Variants in ADAMTSL1 observed in about 807,000 individuals in gnomAD.
ADAMTSL1 encodes ADAMTS like 1.
ADAMTSL1 carries 126 observed loss-of-function variants against 201.8 expected under a neutral mutation model. The ratio of observed to expected loss-of-function variants is 0.62; its 90% CI spans 0.54 to 0.72. The LOEUF (loss-of-function observed/expected upper bound fraction) is 0.72, where lower values mean the gene tolerates loss of function less well. Among genes scored for constraint, ADAMTSL1 ranks in the 30% least tolerant of loss-of-function variants. The probability of loss-of-function intolerance (pLI) is 0.00; values close to 1 mark genes in which losing one functional copy is unlikely to be tolerated. For missense variants in ADAMTSL1, 2,679 were observed against 2,277.8 expected (o/e 1.18, Z -3.59); for synonymous variants, 1,121 against 903.4 (o/e 1.24, Z -4.32).
intron 2 of ADAMTSL1, among the ~76,000 whole-genome samples, chr9:18,442,764 G>A (rs10125046): frequency 2.0e-5 from 3 of 152,184 alleles, no homozygotes; most frequent in Non-Finnish European, 2.9e-5. Context: ...GCTCCTGACA[G>A]CTGGCTTTGC....
chr9:18,017,055 G>T (rs1159046704), intron 1 of ADAMTSL1, among the ~76,000 whole-genome samples: 8 of 151,954 alleles, frequency 5.3e-5, no homozygotes, highest in Admixed American at 5.3e-4. Flanking sequence ...CACAGGCATG[G>T]ACTCAAACTT....
At chr9:18,638,715 T>A (rs528336894) in intron 6 of ADAMTSL1, among the ~76,000 whole-genome samples, 1 of 152,280 alleles carries the variant, frequency 6.6e-6, no homozygotes, top group South Asian at 2.1e-4. Flanking sequence ...ATGATAGTTC[T>A]TGTTCTTACA....
intron 23 of ADAMTSL1, among the ~76,000 whole-genome samples, chr9:18,876,486 A>T (rs1828167467): frequency 6.6e-6 from 1 of 152,080 alleles, no homozygotes. Context: ...TTTTCTGAAA[A>T]AGACTATCTT....
rs184884838 is a variant in ADAMTSL1 at position 18,859,711 on chromosome 9, C to T, written c.4250-28120C>T. ...CATGTAACCTAGGGAAATATTTGGT[C>T]ACAGAGATGTATGTACTAGGAAATT... On this transcript the variant is annotated intron_variant, in intron 23 of 28. Coordinates refer to ENST00000380548, the MANE Select transcript of ADAMTSL1 (RefSeq NM_001040272.6). Among the ~76,000 whole-genome samples the T allele has an allele frequency of 3.9e-4, 59 of 152,216 alleles. No homozygotes were observed. The East Asian group carries it at 7.3e-3, about 19-fold the overall frequency.
chr9:17,965,886 C>G (rs1006191931), intron 1 of ADAMTSL1, among the ~76,000 whole-genome samples: 1 of 152,164 alleles, frequency 6.6e-6, no homozygotes, highest in Non-Finnish European at 1.5e-5. Flanking sequence ...TAAAGCCAGG[C>G]AGCTTTTTTG....
intron 23 of ADAMTSL1, among the ~76,000 whole-genome samples, chr9:18,856,399 T>C (rs553700165): frequency 1.6e-3 from 236 of 152,188 alleles, no homozygotes; most frequent in African/African-American, 5.4e-3. Flanking sequence ...GAACTTTTAG[T>C]TTTTTAGTCT....
rs928959453 is a variant in ADAMTSL1 at position 18,275,203 on chromosome 9, A to G, written c.207+111222A>G. Among the ~76,000 whole-genome samples the G allele has an allele frequency of 2.0e-5, 3 of 152,298 alleles. No homozygotes were observed. The East Asian group carries it at 5.8e-4, about 29-fold the overall frequency. ...GACCTCTTAGTCATTACCTCTAATAATGAAGTTAAAAGGAACAAAATGAGG... is the reference window on the plus strand; with the variant it reads ...GACCTCTTAGTCATTACCTCTAATAGTGAAGTTAAAAGGAACAAAATGAGG... On this transcript the variant is annotated intron_variant, in intron 2 of 29. Coordinates refer to the ADAMTSL1 transcript ENST00000680146.
intron 2 of ADAMTSL1, among the ~76,000 whole-genome samples, chr9:18,347,196 T>C (rs1244712113): frequency 6.6e-6 from 1 of 152,192 alleles, no homozygotes; most frequent in Non-Finnish European, 1.5e-5. Context: ...ATATTTATCC[T>C]CTTCCAATAA....
At chr9:18,592,075 C>G (rs868317596) in intron 4 of ADAMTSL1, among the ~76,000 whole-genome samples, 2 of 152,266 alleles carry the variant, frequency 1.3e-5, no homozygotes, top group Middle Eastern at 3.4e-3. Context: ...TTCAGTGCAT[C>G]TCATTGATTT....
intron 1 of ADAMTSL1, among the ~76,000 whole-genome samples, chr9:18,103,560 C>A (rs1015549157): frequency 1.3e-4 from 20 of 152,064 alleles, no homozygotes; most frequent in African/African-American, 4.8e-4. Flanking sequence ...AGCAAGTGGG[C>A]AATACAGGAT....
intron 4 of ADAMTSL1, among the ~76,000 whole-genome samples, chr9:18,600,111 C>G (rs1415929776): frequency 6.6e-6 from 1 of 151,778 alleles, no homozygotes; most frequent in African/African-American, 2.4e-5. Context: ...GCTGCATACT[C>G]TTTGGGGCCT....
chr9:18,017,867 TA>T (rs1427181161), intron 1 of ADAMTSL1, among the ~76,000 whole-genome samples: 1 of 152,054 alleles, frequency 6.6e-6, no homozygotes, highest in African/African-American at 2.4e-5. Context: ...GCATGTGAAG[TA>T]ATCTCCCTCT....
intron 16 of ADAMTSL1, among the ~76,000 whole-genome samples, chr9:18,769,201 C>A (rs560229618): frequency 1.3e-5 from 2 of 152,272 alleles, no homozygotes; most frequent in South Asian, 2.1e-4. Context: ...CGGCAAAAAA[C>A]CCCATAGCCA....
chr9:18,887,746 A>T, intron 23 of ADAMTSL1, 85 bp from the exon 24 acceptor site: 1 of 1,236,018 alleles, frequency 8.1e-7, no homozygotes, highest in Non-Finnish European at 1.2e-6. Context: ...TACAATTTCT[A>T]GAGCCACACA....
At chr9:18,315,477 A>T (rs1834349269) in intron 2 of ADAMTSL1, among the ~76,000 whole-genome samples, 1 of 151,994 alleles carries the variant, frequency 6.6e-6, no homozygotes, top group Non-Finnish European at 1.5e-5. Flanking sequence ...GCAGGTCCTG[A>T]GCCCTGTCCT....
intron 1 of ADAMTSL1, among the ~76,000 whole-genome samples, chr9:18,481,896 G>A (rs77539128): frequency 0.079 from 12,058 of 152,198 alleles, 661 homozygotes; most frequent in Non-Finnish European, 0.12. Context: ...TGTCTAGAGA[G>A]TTTTCATCTG....
chr9:18,023,433 G>GA (rs1820562859), intron 1 of ADAMTSL1, among the ~76,000 whole-genome samples: 3 of 152,138 alleles, frequency 2.0e-5, no homozygotes, highest in South Asian at 4.1e-4. Flanking sequence ...AAAAGCTAAA[G>GA]AAAAAAACCT....
intron 20 of ADAMTSL1, among the ~76,000 whole-genome samples, chr9:18,814,885 A>G (rs548448372): frequency 1.3e-5 from 2 of 152,356 alleles, no homozygotes; most frequent in South Asian, 4.1e-4. Context: ...TAGTTAATTA[A>G]TAAGGGCAAA....
chr9:17,941,588 A>G (rs1035457071), intron 1 of ADAMTSL1, among the ~76,000 whole-genome samples: 1 of 152,102 alleles, frequency 6.6e-6, no homozygotes, highest in Admixed American at 6.6e-5. Flanking sequence ...GTGTCCTACT[A>G]TCAAATGTCT....
Sources: allele counts gnomAD v4.1 joint callset (sites outside exome capture counted in the v4.1 genomes callset), GRCh38; gene constraint gnomAD v4.1.1; transcripts MANE v1.5; gene names NCBI Gene and HGNC (gene_info 2026-07-23, HGNC 2026-07-21).